The following SORCS3 variants were observed in gnomAD, a reference collection of about 807,000 sequenced individuals.
SORCS3 encodes VPS10 domain-containing receptor SorCS3.
SORCS3 carries 57 observed loss-of-function variants against 146.3 expected under a neutral mutation model. The ratio of observed to expected loss-of-function variants is 0.39; its 90% CI spans 0.31 to 0.49. The LOEUF (loss-of-function observed/expected upper bound fraction) is 0.49. Among genes scored for constraint, SORCS3 ranks in the 20% least tolerant of loss-of-function variants. The pLI, the probability that SORCS3 is intolerant of heterozygous loss-of-function variation, is 0.92. For missense variants in SORCS3, 1,341 were observed against 1,575.5 expected, an observed-to-expected ratio of 0.85 and a Z score of 2.52; for synonymous variants, 653 against 618.5, an observed-to-expected ratio of 1.06 and a Z score of -0.83.
chr10:105,216,842 C>A, intron 18 of SORCS3, 94 bp from the exon 19 acceptor site: 1 of 1,205,324 alleles, frequency 8.3e-7, no homozygotes, highest in Non-Finnish European at 1.2e-6. Context: ...GACTATGGGT[C>A]ATCAGAGGTT....
chr10:104,992,745 C>G (rs1256968955), intron 4 of SORCS3, among the ~76,000 whole-genome samples: 1 of 152,196 alleles, frequency 6.6e-6, no homozygotes, highest in African/African-American at 2.4e-5. Flanking sequence ...CTTCATCTAG[C>G]TAGTTCTGAG....
intron 4 of SORCS3, among the ~76,000 whole-genome samples, chr10:104,988,834 A>G (rs1411270865): frequency 2.0e-5 from 3 of 152,240 alleles, no homozygotes; most frequent in East Asian, 3.9e-4. Flanking sequence ...CAATATGCAA[A>G]TGTAGGAAAA....
intron 1 of SORCS3, among the ~76,000 whole-genome samples, chr10:104,797,293 G>C (rs569963072): frequency 6.6e-6 from 1 of 152,292 alleles, no homozygotes; most frequent in South Asian, 2.1e-4. Flanking sequence ...TAGTACTTGA[G>C]GTAAATGTTT....
At chr10:104,706,533 T>C (rs879561732) in intron 1 of SORCS3, among the ~76,000 whole-genome samples, 4 of 152,176 alleles carry the variant, frequency 2.6e-5, no homozygotes, top group Non-Finnish European at 4.4e-5. Flanking sequence ...TTGAGAGATA[T>C]ACTACTGAAA....
At chr10:105,238,448 T>G (rs538297816) in intron 20 of SORCS3, among the ~76,000 whole-genome samples, 1 of 152,286 alleles carries the variant, frequency 6.6e-6, no homozygotes, top group East Asian at 1.9e-4. Context: ...TATACAAAGT[T>G]GAGCCTAAGC....
At chr10:105,123,131 A>G (rs1252225215) in intron 7 of SORCS3, among the ~76,000 whole-genome samples, 1 of 152,244 alleles carries the variant, frequency 6.6e-6, no homozygotes, top group African/African-American at 2.4e-5. Flanking sequence ...ATACAGTTAG[A>G]AGAGATCTAT....
intron 4 of SORCS3, among the ~76,000 whole-genome samples, chr10:104,983,033 T>C (rs563255043): frequency 5.1e-4 from 78 of 151,698 alleles, no homozygotes; most frequent in African/African-American, 1.8e-3. Flanking sequence ...GGAGTCTTGC[T>C]CTGTTACCCA....
chr10:104,813,882 A>T (rs2017766597), intron 1 of SORCS3, among the ~76,000 whole-genome samples: 1 of 151,968 alleles, frequency 6.6e-6, no homozygotes, highest in Non-Finnish European at 1.5e-5. Context: ...GCAAAGAAAA[A>T]ATTTATCTCA....
chr10:105,014,846 G>A (rs907417468), intron 4 of SORCS3, among the ~76,000 whole-genome samples: 7 of 152,044 alleles, frequency 4.6e-5, no homozygotes, highest in African/African-American at 1.4e-4. Context: ...GAGCTAGAAG[G>A]TGCCATCTAT....
intron 25 of SORCS3, 141 bp downstream of exon 25, chr10:105,257,065 A>C (rs2056936019): frequency 1.5e-6 from 1 of 677,880 alleles, no homozygotes; most frequent in Non-Finnish European, 2.6e-6. Flanking sequence ...GGGTAAAAGC[A>C]AGAATGGTTG....
At chr10:104,662,296 C>T (rs1033426113) in intron 1 of SORCS3, among the ~76,000 whole-genome samples, 3 of 152,122 alleles carry the variant, frequency 2.0e-5, no homozygotes, top group African/African-American at 7.2e-5. Context: ...AAATAATAGA[C>T]CACAATTAGG....
rs75222671 is a variant in SORCS3 at position 105,060,003 on chromosome 10, T to G, written c.1028+16875T>G. ...TATTATGCAGCAAAAGCTAAGCTGA[T>G]ACAGTAGGACAAAGACAAGTTGAGA... is the stretch of plus-strand genomic sequence containing the variant. On this transcript the variant is annotated intron_variant, in intron 5 of 26. Coordinates refer to ENST00000369701, the MANE Select transcript of SORCS3 (RefSeq NM_014978.3). Among the ~76,000 whole-genome samples the G allele has an allele frequency of 4.4e-3, 677 of 152,318 alleles. 9 individuals carry two copies. The highest frequency in any genetic ancestry group is 0.015 in the African/African-American group (623 of 41,570).
intron 20 of SORCS3, among the ~76,000 whole-genome samples, chr10:105,230,440 A>G (rs1194593498): frequency 6.6e-6 from 1 of 152,036 alleles, no homozygotes; most frequent in Non-Finnish European, 1.5e-5. Context: ...TGGGAAATAC[A>G]TATTTTGCTT....
In SORCS3 at chr10:104,685,694, T is replaced by C. The variant is rs114091030; in HGVS notation, c.627+43740T>C. ...TGCTTGGAAATAAGGCCCCGTTCTG[T>C]ATAGTGATTTCCAGTAGGAGCAACG... On this transcript the variant is annotated intron_variant, in intron 1 of 26. Transcript: ENST00000369701. Among the ~76,000 whole-genome samples the C allele has an allele frequency of 4.9e-3, 739 of 152,302 alleles. 8 individuals are homozygous for C. Among genetic ancestry groups the C allele is most frequent in the African/African-American group, 0.017 (716 of 41,564 alleles).
intron 2 of SORCS3, among the ~76,000 whole-genome samples, chr10:104,895,662 C>T (rs1401458561): frequency 6.6e-6 from 1 of 152,184 alleles, no homozygotes; most frequent in South Asian, 2.1e-4. Context: ...CTGTTCTCAT[C>T]CACTACACTG....
At chr10:104,902,466 G>A (rs2018861664) in intron 2 of SORCS3, among the ~76,000 whole-genome samples, 1 of 152,228 alleles carries the variant, frequency 6.6e-6, no homozygotes, top group South Asian at 2.1e-4. Context: ...GCAGGCTTTT[G>A]CATGGATTGA....
intron 2 of SORCS3, among the ~76,000 whole-genome samples, chr10:104,906,209 G>T (rs148322111): frequency 3.3e-5 from 5 of 152,154 alleles, no homozygotes; most frequent in African/African-American, 9.7e-5. Flanking sequence ...GCTAGTGTAG[G>T]CCTCATTATT....
Position 105,078,442 on chromosome 10 carries a change from G to A in SORCS3, c.1029-11333G>A, listed in dbSNP as rs115781881. 7.1e-3 allele frequency among the ~76,000 whole-genome samples: 1,083 copies of A among 151,914 alleles called. 18 individuals carry two copies. The highest frequency in any genetic ancestry group is 0.025 in the African/African-American group (1,027 of 41,400). ...TGAGATAGACTATGCTTGAATCCAG[G>A]CTCCATCTCTCTTTCTCACTCTGTG... On this transcript the variant is annotated intron_variant, in intron 5 of 26. Transcript: ENST00000369701.
intron 14 of SORCS3, among the ~76,000 whole-genome samples, chr10:105,186,856 C>T (rs1397789306): frequency 1.3e-5 from 2 of 148,704 alleles, no homozygotes; most frequent in African/African-American, 5.0e-5. Flanking sequence ...TGCACTCCAG[C>T]CTGGGCAACA....
Sources: gnomAD v4.1 joint callset for allele counts (sites outside exome capture counted in the v4.1 genomes callset) on GRCh38, gnomAD v4.1.1 for gene constraint, MANE v1.5 for transcripts, NCBI Gene and HGNC (gene_info 2026-07-23, HGNC 2026-07-21) for gene names.